Variants in COL23A1 observed in about 807,000 individuals in gnomAD.
COL23A1 encodes collagen type XXIII alpha 1 chain.
COL23A1 carries 97 observed loss-of-function variants against 99.3 expected under a neutral mutation model. The observed-to-expected ratio is 0.98, with a 90% CI of 0.83 to 1.16. The LOEUF is 1.16. Among genes scored for constraint, COL23A1 ranks in the 50% most tolerant of loss-of-function variants. COL23A1 has a pLI of 0.00. For missense variants in COL23A1, 762 were observed against 757.4 expected (o/e 1.01, Z -0.07); for synonymous variants, 320 against 308.2 (o/e 1.04, Z -0.40).
intron 1 of COL23A1, among the ~76,000 whole-genome samples, chr5:178,561,275 G>C (rs1762546767): frequency 6.6e-6 from 1 of 152,326 alleles, no homozygotes; most frequent in African/African-American, 2.4e-5. Context: ...ATTTTCCTTT[G>C]TTGTTTTCTG....
intron 2 of COL23A1, among the ~76,000 whole-genome samples, chr5:178,498,323 A>T (rs980300789): frequency 6.7e-6 from 1 of 149,334 alleles, no homozygotes; most frequent in Non-Finnish European, 1.5e-5. Context: ...CTTTAAAGGC[A>T]TGACTATTAG....
chr5:178,524,616 CCCCATGG>C (rs1273793085), intron 2 of COL23A1, among the ~76,000 whole-genome samples: 3 of 152,262 alleles, frequency 2.0e-5, no homozygotes, highest in Non-Finnish European at 2.9e-5. Context: ...CAGCCTCCTC[CCCCATGG>C]ACCACCTGGC....
intron 2 of COL23A1, among the ~76,000 whole-genome samples, chr5:178,536,513 C>T (rs376909927): frequency 1.7e-4 from 26 of 152,226 alleles, no homozygotes; most frequent in East Asian, 5.8e-4. Context: ...GACCAATCAC[C>T]GGATGCATCA....
chr5:178,406,282 T>C (rs1764758631), intron 2 of COL23A1, among the ~76,000 whole-genome samples: 1 of 152,092 alleles, frequency 6.6e-6, no homozygotes, highest in African/African-American at 2.4e-5. Context: ...TTAAAATAAC[T>C]CTCCTGAGGG....
chr5:178,264,759 C>T (rs1765818113), intron 8 of COL23A1, among the ~76,000 whole-genome samples: 1 of 152,146 alleles, frequency 6.6e-6, no homozygotes, highest in African/African-American at 2.4e-5. Flanking sequence ...CGGGTTCAAG[C>T]GATTCTCCTG....
intron 2 of COL23A1, among the ~76,000 whole-genome samples, chr5:178,342,003 G>C (rs958242408): frequency 2.6e-5 from 4 of 152,170 alleles, no homozygotes; most frequent in African/African-American, 9.7e-5. Context: ...CTTCGGACCT[G>C]TGAAACCCTC....
At chr5:178,319,083 G>C (rs907755781) in intron 2 of COL23A1, among the ~76,000 whole-genome samples, 1 of 152,106 alleles carries the variant, frequency 6.6e-6, no homozygotes, top group Admixed American at 6.5e-5. Flanking sequence ...GGCTGTGTCG[G>C]TGCTGGGTGG....
At chr5:178,426,211 G>A (rs1765926258) in intron 2 of COL23A1, among the ~76,000 whole-genome samples, 4 of 152,178 alleles carry the variant, frequency 2.6e-5, no homozygotes, top group Admixed American at 1.3e-4. Flanking sequence ...AAATGAAAAA[G>A]AGAAAAACCC....
At chr5:178,473,566 A>G (rs1176507014) in intron 2 of COL23A1, among the ~76,000 whole-genome samples, 1 of 149,012 alleles carries the variant, frequency 6.7e-6, no homozygotes, top group Non-Finnish European at 1.5e-5. Flanking sequence ...CACCCACTTC[A>G]GCCTCCCTGA....
At chr5:178,472,355 G>T (rs1756799531) in intron 2 of COL23A1, among the ~76,000 whole-genome samples, 1 of 152,114 alleles carries the variant, frequency 6.6e-6, no homozygotes, top group Non-Finnish European at 1.5e-5. Context: ...GCCTCCTGGG[G>T]CCCAGAGCAG....
intron 3 of COL23A1, among the ~76,000 whole-genome samples, chr5:178,305,515 CA>C (rs1341574605): frequency 6.6e-6 from 1 of 152,232 alleles, no homozygotes; most frequent in Non-Finnish European, 1.5e-5. Context: ...CTGTTCTGTG[CA>C]TTTACATGCC....
intron 8 of COL23A1, among the ~76,000 whole-genome samples, chr5:178,264,172 G>A (rs577000724): frequency 2.0e-5 from 3 of 152,162 alleles, no homozygotes; most frequent in Admixed American, 6.5e-5. Flanking sequence ...GTGTACAGGT[G>A]GGGGCATCTG....
At chr5:178,577,476 G>A (rs1382863745) in intron 1 of COL23A1, among the ~76,000 whole-genome samples, 1 of 152,256 alleles carries the variant, frequency 6.6e-6, no homozygotes, top group Non-Finnish European at 1.5e-5. Context: ...TCGGCGTGGT[G>A]CTGTAGGGGG....
At chr5:178,535,915 C>T (rs147960646) in intron 2 of COL23A1, among the ~76,000 whole-genome samples, 32 of 152,376 alleles carry the variant, frequency 2.1e-4, no homozygotes, top group African/African-American at 5.5e-4. Flanking sequence ...CAGGGGATTC[C>T]GGCCACCTTT....
At chr5:178,476,553 C>T (rs561312897) in intron 2 of COL23A1, among the ~76,000 whole-genome samples, 13 of 152,332 alleles carry the variant, frequency 8.5e-5, no homozygotes, top group African/African-American at 2.6e-4. Context: ...GACCTGCCTA[C>T]ACTTAAGGGA....
At chr5:178,582,314 G>A (rs998062234) in intron 1 of COL23A1, among the ~76,000 whole-genome samples, 40 of 152,088 alleles carry the variant, frequency 2.6e-4, no homozygotes, top group South Asian at 4.2e-4. Context: ...ACAGCTCAGC[G>A]GCAGCAGGAG....
chr5:178,375,224 AG>A (rs1561915900), intron 2 of COL23A1, among the ~76,000 whole-genome samples: 1 of 150,018 alleles, frequency 6.7e-6, no homozygotes, highest in Admixed American at 6.6e-5. Flanking sequence ...ACAAATCCAC[AG>A]GGACAGAAAG....
At chr5:178,547,155 G>GGAATACATTTCC (rs1381151630) in intron 2 of COL23A1, among the ~76,000 whole-genome samples, 2 of 152,194 alleles carry the variant, frequency 1.3e-5, no homozygotes, top group South Asian at 2.1e-4. Context: ...TTCCCCGTAG[G>GGAATACATTTCC]GAATACATTT....
intron 2 of COL23A1, among the ~76,000 whole-genome samples, chr5:178,321,768 C>T (rs578224317): frequency 1.8e-4 from 27 of 151,856 alleles, no homozygotes; most frequent in Middle Eastern, 3.4e-3. Context: ...GGATTACAGG[C>T]GTGAGCCACC....
Sources: gnomAD v4.1 joint callset for allele counts (sites outside exome capture counted in the v4.1 genomes callset) on GRCh38, gnomAD v4.1.1 for gene constraint, MANE v1.5 for transcripts, NCBI Gene and HGNC (gene_info 2026-07-23, HGNC 2026-07-21) for gene names.